TMEM200A: variants seen among roughly 807,000 people sequenced by gnomAD.
The protein encoded by TMEM200A is transmembrane protein 200A.
Under a neutral mutation model 24.3 loss-of-function variants are expected in TMEM200A, and 12 were observed. The ratio of observed to expected loss-of-function variants is 0.49; its 90% CI spans 0.32 to 0.80. The LOEUF is 0.80. Ranked by LOEUF, TMEM200A falls within the 30% of genes least tolerant of loss-of-function variation. The pLI is 0.04. For missense variants in TMEM200A, 545 were observed against 614.4 expected (o/e 0.89, Z 1.19); for synonymous variants, 224 against 224.4 (o/e 1.00, Z 0.02).
Position 130,440,767 on chromosome 6 carries a change from C to T in TMEM200A, c.345C>T (p.Phe115=). 2 of 1,613,988 alleles carry T rather than the reference C, an allele frequency of 1.2e-6. No individual in the cohort carries two copies. The highest frequency in any genetic ancestry group is 8.5e-7 in the Non-Finnish European group (1 of 1,179,972). ...IRNEGGVVVR[F]FEQHLHSDKM... ...ATGAAGGCGGTGTGGTGGTTCGCTT[C>T]TTTGAGCAGCATTTGCATTCTGATA... Residue 115 remains phenylalanine (F), a synonymous_variant, in exon 3 of 3, where the codon TTC becomes TTT. Coordinates refer to ENST00000296978, the MANE Select transcript of TMEM200A (RefSeq NM_001258277.2).
At chr6:130,434,929 C>G (rs574280481) in intron 2 of TMEM200A, among the ~76,000 whole-genome samples, 1 of 152,058 alleles carries the variant, frequency 6.6e-6, no homozygotes, top group South Asian at 2.1e-4. Flanking sequence ...TGGGAAAGGC[C>G]TGGAGATAGC....
At chr6:130,432,425 G>A (rs1234870019) in intron 2 of TMEM200A, among the ~76,000 whole-genome samples, 1 of 152,168 alleles carries the variant, frequency 6.6e-6, no homozygotes, top group African/African-American at 2.4e-5. Flanking sequence ...TCTCCCAACT[G>A]TCTCTTACAT....
Position 130,393,068 on chromosome 6 carries a change from T to A in TMEM200A, c.-17+7832T>A, listed in dbSNP as rs1487772428. ...GGAGCAAAACTGTTTAAGAATTCAT[T>A]GATGGAATTAACCAGCCAAATTGTG... On this transcript the variant is annotated intron_variant, in intron 2 of 2. Transcript: ENST00000296978. Among the ~76,000 whole-genome samples the A allele has an allele frequency of 1.7e-4, 26 of 152,218 alleles. 1 individual carries two copies. Among genetic ancestry groups the A allele is most frequent in the Non-Finnish European group, 1.5e-5 (1 of 68,032 alleles).
At chr6:130,432,876 G>T (rs1779911182) in intron 2 of TMEM200A, among the ~76,000 whole-genome samples, 1 of 152,134 alleles carries the variant, frequency 6.6e-6, no homozygotes, top group Admixed American at 6.5e-5. Context: ...AGGAACTGGG[G>T]CTCCAAGAGG....
intron 2 of TMEM200A, chr6:130,437,334 G>A (rs1255263161): frequency 6.6e-6 from 1 of 152,058 alleles, no homozygotes; most frequent in Admixed American, 6.6e-5. Context: ...CCTAATGAAA[G>A]GTCCTTCTCT....
chr6:130,418,852 A>G (rs1044079152), intron 2 of TMEM200A, among the ~76,000 whole-genome samples: 2 of 152,068 alleles, frequency 1.3e-5, no homozygotes, highest in Non-Finnish European at 2.9e-5. Flanking sequence ...AGAATGTGTA[A>G]TGGTCAACTC....
intron 2 of TMEM200A, among the ~76,000 whole-genome samples, chr6:130,399,168 G>A (rs959360201): frequency 6.6e-6 from 1 of 151,626 alleles, no homozygotes; most frequent in African/African-American, 2.4e-5. Context: ...TCACATTATT[G>A]TTCCTTTGTA....
chr6:130,373,573 T>A (rs1778369204), intron 1 of TMEM200A, among the ~76,000 whole-genome samples: 1 of 152,216 alleles, frequency 6.6e-6, no homozygotes, highest in South Asian at 2.1e-4. Context: ...TATTAACTAT[T>A]CCCTTAAAAT....
chr6:130,386,083 A>G (rs546713568), intron 2 of TMEM200A, among the ~76,000 whole-genome samples: 31 of 152,306 alleles, frequency 2.0e-4, no homozygotes, highest in Non-Finnish European at 3.8e-4. Context: ...AACAACTAAC[A>G]TTCAGTTTTG....
chr6:130,431,927 A>T (rs1562571327), intron 2 of TMEM200A, among the ~76,000 whole-genome samples: 1 of 152,210 alleles, frequency 6.6e-6, no homozygotes, highest in East Asian at 1.9e-4. Context: ...TGACTTGAAT[A>T]TCATTTTGCA....
intron 2 of TMEM200A, among the ~76,000 whole-genome samples, chr6:130,408,903 C>T (rs1212850093): frequency 6.6e-6 from 1 of 152,144 alleles, no homozygotes; most frequent in Admixed American, 6.5e-5. Context: ...GTAGGTGCCA[C>T]ATCTGATCCA....
intron 2 of TMEM200A, among the ~76,000 whole-genome samples, chr6:130,423,098 G>A (rs961792916): frequency 1.4e-4 from 21 of 152,098 alleles, no homozygotes; most frequent in African/African-American, 5.1e-4. Context: ...TTCTATCTGG[G>A]GTAATACTTA....
intron 2 of TMEM200A, among the ~76,000 whole-genome samples, chr6:130,389,313 C>T (rs2115104699): frequency 6.6e-6 from 1 of 152,270 alleles, no homozygotes; most frequent in Admixed American, 6.5e-5. Context: ...ATTTCCAGCC[C>T]TGGGCACTCC....
chr6:130,395,275 T>G (rs958008729), intron 2 of TMEM200A, among the ~76,000 whole-genome samples: 6 of 152,180 alleles, frequency 3.9e-5, no homozygotes, highest in Non-Finnish European at 7.3e-5. Flanking sequence ...AAAGAGGTCA[T>G]TTCAGTAGTT....
chr6:130,376,448 AATTTTTGT>A (rs1467761538), intron 1 of TMEM200A, among the ~76,000 whole-genome samples: 1 of 151,996 alleles, frequency 6.6e-6, no homozygotes. Context: ...ATGCCTGGCT[AATTTTTGT>A]ATTTTTAGTA....
At chr6:130,365,604 G>T, upstream of TMEM200A, 7 of 985,470 alleles carry the variant, frequency 7.1e-6, no homozygotes, top group Non-Finnish European at 7.2e-6. Flanking sequence ...AGAACTGGGG[G>T]AGCCGGGTCC....
chr6:130,394,480 G>A (rs889154282), intron 2 of TMEM200A, among the ~76,000 whole-genome samples: 5 of 152,090 alleles, frequency 3.3e-5, no homozygotes, highest in African/African-American at 4.8e-5. Context: ...GCAGAGGCTC[G>A]AATATTGGCA....
At position 130,442,039 on chromosome 6, in the gene TMEM200A, G is replaced by A. The variant is rs967093068; in HGVS notation, c.*141G>A. Reference sequence around the variant, plus strand: ...AGAATTGGCTGCTTAGTTCTGTAATGAAGATGGTTGTATGTTTGGGTTACT... The same window carrying A: ...AGAATTGGCTGCTTAGTTCTGTAATAAAGATGGTTGTATGTTTGGGTTACT... On this transcript the variant is annotated 3_prime_UTR_variant, in exon 3 of 3. Transcript: ENST00000296978. The A allele has an allele frequency of 3.8e-6, 3 of 789,212 alleles. No individual in the cohort carries two copies. The African/African-American group carries it at 5.3e-5, about 14-fold the overall frequency. The allele number at this position is 789,212 out of a possible 1,614,324, so 48.9% of individuals were successfully genotyped here.
intron 2 of TMEM200A, among the ~76,000 whole-genome samples, chr6:130,418,253 T>A (rs745832322): frequency 2.0e-5 from 3 of 152,122 alleles, no homozygotes; most frequent in African/African-American, 4.8e-5. Flanking sequence ...CCAAAACAAC[T>A]CTGAGTCATC....
Sources: allele counts gnomAD v4.1 joint callset (sites outside exome capture counted in the v4.1 genomes callset), GRCh38; gene constraint gnomAD v4.1.1; transcripts MANE v1.5; gene names NCBI Gene and HGNC (gene_info 2026-07-23, HGNC 2026-07-21).